Variants in CFAP57 observed in about 807,000 individuals in gnomAD.
CFAP57 encodes the protein cilia- and flagella-associated protein 57.
CFAP57 carries 116 observed loss-of-function variants against 146.8 expected under a neutral mutation model. The ratio of observed to expected loss-of-function variants is 0.79; its 90% CI spans 0.68 to 0.92. The LOEUF is 0.92. Among genes scored for constraint, CFAP57 ranks in the 40% least tolerant of loss-of-function variants. The probability of loss-of-function intolerance (pLI) is 0.00; values close to 1 mark genes in which losing one functional copy is unlikely to be tolerated. For synonymous variants in CFAP57, 518 were observed against 552.8 expected, an observed-to-expected ratio of 0.94 and a Z score of 0.88; for missense variants, 1,377 against 1,527.2, an observed-to-expected ratio of 0.90 and a Z score of 1.64.
At chr1:43,176,973 C>CG (rs112484478) in intron 2 of CFAP57, 4,934 of 370,020 alleles carry the variant, frequency 0.013, 80 homozygotes, top group African/African-American at 0.051. Context: ...TGGTAAGAAC[C>CG]GGGGGGTGAG....
chr1:43,221,448 G>A lies in CFAP57; in HGVS notation c.2324G>A (p.Arg775Gln), dbSNP rs752549029. ...GAAGACCTCCTAGACAAGCAAAGCC[G>A]GGAACTGCAGGACATGGGTGAGCCC... ...HIEDLLDKQSRELQDMECCNN... is the reference protein window; with the variant it reads ...HIEDLLDKQSQELQDMECCNN... Residue 775 changes from arginine to glutamine, a missense_variant, in exon 14 of 23, where the codon CGG (arginine) becomes CAG (glutamine). Transcript: ENST00000372492. The A allele has an allele frequency of 2.5e-5, 38 of 1,535,456 alleles. No individual in the cohort carries two copies. Among genetic ancestry groups the A allele is most frequent in the African/African-American group, 5.5e-5 (4 of 72,428 alleles).
At chr1:43,217,834 G>A (rs1158611801) in intron 12 of CFAP57, among the ~76,000 whole-genome samples, 1 of 152,138 alleles carries the variant, frequency 6.6e-6, no homozygotes, top group African/African-American at 2.4e-5. Context: ...CGGGTTCGAT[G>A]AGGACCTTTG....
chr1:43,220,791 T>C (rs940085007), intron 13 of CFAP57, among the ~76,000 whole-genome samples: 1 of 94,588 alleles, frequency 1.1e-5, no homozygotes, highest in Admixed American at 1.4e-4. Flanking sequence ...CTATGGGTCA[T>C]AAAGTTCGGC....
chr1:43,186,986 C>A, intron 6 of CFAP57, 127 bp downstream of exon 6: 1 of 1,110,908 alleles, frequency 9.0e-7, no homozygotes, highest in African/African-American at 1.5e-5. Flanking sequence ...TAATACAGAG[C>A]AAAACAAAAT....
chr1:43,248,427 C>T (rs1646200152), intron 22 of CFAP57, among the ~76,000 whole-genome samples: 1 of 151,076 alleles, frequency 6.6e-6, no homozygotes, highest in South Asian at 2.1e-4. Flanking sequence ...ACACCATTCT[C>T]CTGCCTCAGC....
chr1:43,185,470 C>A, intron 5 of CFAP57, 114 bp downstream of exon 5: 2 of 961,694 alleles, frequency 2.1e-6, no homozygotes, highest in Non-Finnish European at 3.2e-6. Context: ...GATTGCTGAG[C>A]AGAAATGGTG....
intron 11 of CFAP57, among the ~76,000 whole-genome samples, chr1:43,213,078 A>G (rs1259020914): frequency 6.6e-6 from 1 of 151,996 alleles, no homozygotes; most frequent in Non-Finnish European, 1.5e-5. Context: ...CTCTACTTCC[A>G]TGAGGTCAAC....
chr1:43,188,253 A>G (rs1643276654), intron 6 of CFAP57, among the ~76,000 whole-genome samples: 1 of 152,196 alleles, frequency 6.6e-6, no homozygotes, highest in Non-Finnish European at 1.5e-5. Flanking sequence ...GCTTTTATGA[A>G]TAATGCAACT....
intron 21 of CFAP57, among the ~76,000 whole-genome samples, chr1:43,236,158 T>C (rs1201489791): frequency 2.0e-5 from 3 of 151,852 alleles, no homozygotes; most frequent in African/African-American, 7.3e-5. Flanking sequence ...GGGAAGAACA[T>C]TTTCTCCAGC....
chr1:43,217,123 A>G (rs1353790933), intron 12 of CFAP57, among the ~76,000 whole-genome samples: 1 of 152,162 alleles, frequency 6.6e-6, no homozygotes, highest in Non-Finnish European at 1.5e-5. Flanking sequence ...CAGAGGGATG[A>G]GGGAGTGGTG....
chr1:43,212,309 G>A (rs377041145), intron 11 of CFAP57, among the ~76,000 whole-genome samples: 2 of 152,082 alleles, frequency 1.3e-5, no homozygotes, highest in Admixed American at 6.6e-5. Flanking sequence ...CTATCATCCC[G>A]AATCCCTGCC....
chr1:43,222,462 C>T (rs907053850), intron 15 of CFAP57, among the ~76,000 whole-genome samples, 167 bp downstream of exon 15: 3 of 152,208 alleles, frequency 2.0e-5, no homozygotes, highest in Non-Finnish European at 4.4e-5. Flanking sequence ...AGCCAAATAA[C>T]ATCGCAAATA....
intron 21 of CFAP57, among the ~76,000 whole-genome samples, chr1:43,236,841 A>G (rs189744682): frequency 6.6e-6 from 1 of 151,876 alleles, no homozygotes; most frequent in Non-Finnish European, 1.5e-5. Flanking sequence ...CGTGGGAGGC[A>G]GAGCTTGCAG....
chr1:43,231,989 C>A, intron 18 of CFAP57: 1 of 643,762 alleles, frequency 1.6e-6, no homozygotes, highest in Non-Finnish European at 2.8e-6. Flanking sequence ...GAGGCCCCTT[C>A]TCAGCTTCCC....
At chr1:43,193,954 C>T (rs2124391089) in intron 6 of CFAP57, among the ~76,000 whole-genome samples, 1 of 152,148 alleles carries the variant, frequency 6.6e-6, no homozygotes, top group African/African-American at 2.4e-5. Context: ...ATAGCAACAA[C>T]AGTATATTAT....
At position 43,228,064 on chromosome 1, in the gene CFAP57, G is replaced by T. The variant is rs1221493170; in HGVS notation, c.3009+938G>T. On this transcript the variant is annotated intron_variant, in intron 18 of 22. Coordinates refer to ENST00000372492, the MANE Select transcript of CFAP57 (RefSeq NM_001378189.1). Reference sequence around the variant, plus strand: ...TATCTGGACTGGACTCCAGCCTCCAGTCTGGTCTCCACATAGAGGCCTGAG... The same window carrying T: ...TATCTGGACTGGACTCCAGCCTCCATTCTGGTCTCCACATAGAGGCCTGAG... 2.6e-5 allele frequency among the ~76,000 whole-genome samples: 4 copies of T among 152,274 alleles called. No homozygotes were observed. The East Asian group carries it at 5.8e-4, about 22-fold the overall frequency.
intron 17 of CFAP57, among the ~76,000 whole-genome samples, chr1:43,225,587 C>T (rs2124577416): frequency 1.3e-5 from 2 of 152,336 alleles, no homozygotes; most frequent in South Asian, 4.1e-4. Context: ...TTTCCCCAGC[C>T]TCACCTCTCA....
rs562407537 is a variant in CFAP57 at position 43,243,625 on chromosome 1, G to A, written c.3538+266G>A. ...CAGACTCTTTTAGATTTTAGAAAGC[G>A]AATACTTTATATAACATTCCCAGAG... On this transcript the variant is annotated intron_variant, in intron 22 of 22. Coordinates refer to ENST00000372492, the MANE Select transcript of CFAP57 (RefSeq NM_001378189.1). 4.6e-5 allele frequency among the ~76,000 whole-genome samples: 7 copies of A among 152,284 alleles called. 1 individual carries two copies. In the East Asian group the frequency reaches 7.7e-4, roughly 17 times the overall value.
chr1:43,186,342 T>G (rs2124324837), intron 5 of CFAP57, among the ~76,000 whole-genome samples: 1 of 152,152 alleles, frequency 6.6e-6, no homozygotes, highest in South Asian at 2.1e-4. Flanking sequence ...CCGGGCGCAG[T>G]TGCTCACGCC....
Sources: allele counts gnomAD v4.1 joint callset (sites outside exome capture counted in the v4.1 genomes callset), GRCh38; gene constraint gnomAD v4.1.1; transcripts MANE v1.5; gene names NCBI Gene and HGNC (gene_info 2026-07-23, HGNC 2026-07-21).